PAX4: variants seen among roughly 807,000 people sequenced by gnomAD.
PAX4 encodes paired box 4.
A neutral mutation model predicts 40.6 loss-of-function variants in PAX4; 33 were observed. That is an observed-to-expected ratio of 0.81 (90% CI 0.62 to 1.09). The LOEUF (loss-of-function observed/expected upper bound fraction) is 1.09. Ranked by LOEUF, PAX4 falls within the 50% of genes least tolerant of loss-of-function variation. The pLI is 0.00. For synonymous variants in PAX4, 174 were observed against 170.6 expected (o/e 1.02, Z -0.16); for missense variants, 459 against 442.5 (o/e 1.04, Z -0.33).
chr7:127,612,954 T>TGGATGGAC (rs1192590809), intron 9 of PAX4, 68 bp downstream of exon 9: 1 of 1,150,170 alleles, frequency 8.7e-7, no homozygotes, highest in Non-Finnish European at 1.3e-6. Context: ...GATGGATGGA[T>TGGATGGAC]GGATGGATGG....
chr7:127,612,471 A>G (rs397832182), intron 9 of PAX4, among the ~76,000 whole-genome samples: 2 of 28,822 alleles, frequency 6.9e-5, no homozygotes, highest in Non-Finnish European at 1.9e-4. Flanking sequence ...GAATGGGTGG[A>G]TGGATGGATG....
intron 11 of PAX4, among the ~76,000 whole-genome samples, 156 bp from the exon 12 acceptor site, chr7:127,611,362 C>A (rs1328914477): frequency 1.3e-5 from 2 of 152,146 alleles, no homozygotes; most frequent in Non-Finnish European, 2.9e-5. Flanking sequence ...GTCAGTGATA[C>A]CATAGACTCA....
chr7:127,613,406 C>T (rs373842309), intron 8 of PAX4, 44 bp downstream of exon 8: 1 of 1,589,756 alleles, frequency 6.3e-7, no homozygotes, highest in South Asian at 1.1e-5. Context: ...CCGGCCCAGA[C>T]TCTTCCTCCT....
intron 2 of PAX4, among the ~76,000 whole-genome samples, 175 bp from the exon 3 acceptor site, chr7:127,616,202 T>C (rs1587552623): frequency 6.6e-6 from 1 of 152,186 alleles, no homozygotes; most frequent in Non-Finnish European, 1.5e-5. Context: ...ACACTGCAGG[T>C]TGGCTGAGGA....
intron 2 of PAX4, among the ~76,000 whole-genome samples, chr7:127,616,713 T>C (rs1349166300): frequency 6.6e-6 from 1 of 152,270 alleles, no homozygotes; most frequent in Non-Finnish European, 1.5e-5. Flanking sequence ...TGAAGAGTTC[T>C]AGATCTCACA....
Position 127,615,037 on chromosome 7 carries a change from TCCAAGACACCTGTGCGGTAGTAACG to T in PAX4, c.178_202del (p.Arg60SerfsTer24). ...CTTGCTTCCCCCAATGCCCTTTGGC[TCCAAGACACCTGTGCGGTAGTAACG>T]CCCTAGGATCTTGCTCACACAGCCA... On this transcript the variant is annotated frameshift_variant, in exon 5 of 12. Transcript: ENST00000639438. LOFTEE classifies it high-confidence loss of function. 6.2e-7 allele frequency: 1 copy of T among 1,614,186 alleles called. No individual in the cohort carries two copies. Among genetic ancestry groups the T allele is most frequent in the Non-Finnish European group, 8.5e-7 (1 of 1,180,032 alleles).
At position 127,615,461 on chromosome 7, in the gene PAX4, C is replaced by T; in HGVS notation, c.84G>A (p.Gln28=). 6.2e-7 allele frequency: 1 copy of T among 1,614,228 alleles called. No individual in the cohort carries two copies. The highest frequency in any genetic ancestry group is 8.5e-7 in the Non-Finnish European group (1 of 1,180,042). ...NGRPLPLDTR[Q]QIVRLAVSGM... ...CACTGACTGCTAGCCGCACAATCTG[C>T]TGCCGGGTATCCAGAGGCAGGGGCC... is the stretch of plus-strand genomic sequence containing the variant. Residue 28 remains glutamine (Q), a synonymous_variant, in exon 4 of 12, where the codon CAG becomes CAA. Transcript: ENST00000639438.
chr7:127,614,789 G>C lies in PAX4; in HGVS notation c.360+91C>G, dbSNP rs1005671051. The C allele has an allele frequency of 4.6e-6, 7 of 1,519,972 alleles. No homozygotes were observed. In the Admixed American group the frequency reaches 1.4e-4, roughly 30 times the overall value. 94.2% of individuals were successfully genotyped at this position (1,519,972 alleles called of 1,614,324 possible). ...TGCCCAGGAGCCCTGTCACCAGCTT[G>C]GGATGCCCACATTGCCAAATAAGAA... On this transcript the variant is annotated intron_variant, in intron 5 of 11. Coordinates refer to ENST00000639438, the MANE Select transcript of PAX4 (RefSeq NM_001366110.1).
At chr7:127,614,390 G>A (rs950940419) in intron 6 of PAX4, 92 bp downstream of exon 6, 3 of 979,836 alleles carry the variant, frequency 3.1e-6, no homozygotes, top group Admixed American at 2.0e-5. Context: ...TGTTGTGAGG[G>A]TGATCCAAGA....
chr7:127,614,131 G>T (rs948390979), intron 6 of PAX4, among the ~76,000 whole-genome samples: 2 of 152,056 alleles, frequency 1.3e-5, no homozygotes, highest in Non-Finnish European at 2.9e-5. Context: ...TGGTCCAGGG[G>T]TGTGTTATCC....
chr7:127,615,080 C>G lies in PAX4; in HGVS notation c.160G>C (p.Val54Leu). Residue 54 changes from valine (V) to leucine (L), a missense_variant, in exon 5 of 12, where the codon GTG (valine) becomes CTG (leucine). Physicochemically the swap from Val to Leu is conservative, Grantham distance 32. Transcript: ENST00000639438. The stretch of plus-strand genomic sequence containing the variant: ...TAGTAACGCCCTAGGATCTTGCTCA[C>G]ACAGCCATTAGATACCTGAGTCAGG... ...SRILKVSNGC[V>L]SKILGRYYRT... is the part of the protein sequence containing the mutation. The G allele has an allele frequency of 2.5e-6, 4 of 1,614,192 alleles. No homozygotes were observed. The highest frequency in any genetic ancestry group is 2.5e-6 in the Non-Finnish European group (3 of 1,180,044).
At chr7:127,612,965 ATGGATGG>A (rs2116133851) in intron 9 of PAX4, 50 bp downstream of exon 9, 1 of 1,277,840 alleles carries the variant, frequency 7.8e-7, no homozygotes, top group South Asian at 1.2e-5. Context: ...GGATGGATGG[ATGGATGG>A]ATGGATAGAT....
chr7:127,613,151 T>A, intron 8 of PAX4, 60 bp from the exon 9 acceptor site: 1 of 1,318,238 alleles, frequency 7.6e-7, no homozygotes, highest in Middle Eastern at 2.2e-4. Context: ...CACCTGCTGA[T>A]CTCACCACAT....
At position 127,611,073 on chromosome 7, in the gene PAX4, G is replaced by A; in HGVS notation, c.1047C>T (p.Gly349=). The change falls in exon 12 of 12, where the codon GGC becomes GGT. Residue 349 remains glycine, a synonymous_variant. Transcript: ENST00000639438. ...LLWPGCPLLY[G]LE is the part of the protein sequence containing the mutation. ...CCTTCCCACTCCTGCCTCATTCCAA[G>A]CCATACAGTAGTGGGCAGCCAGGCC... 1 of 1,606,150 alleles carries A rather than the reference G, an allele frequency of 6.2e-7. No individual in the cohort carries two copies. The highest frequency in any genetic ancestry group is 8.5e-7 in the Non-Finnish European group (1 of 1,175,572).
intron 5 of PAX4, 107 bp downstream of exon 5, chr7:127,614,773 G>A (rs1434986798): frequency 2.9e-5 from 42 of 1,457,742 alleles, no homozygotes; most frequent in Non-Finnish European, 2.8e-6. Context: ...TTGCCCAGGA[G>A]CCCTGTCACC....
In PAX4 at chr7:127,613,097, C is replaced by A. The variant is rs761845414; in HGVS notation, c.646-6G>T. ...CTTCTGTTGGAAAACCAGACCTGAG[C>A]GAGGACAGGGACAATGCAGCTGGCT... is the stretch of plus-strand genomic sequence containing the variant. On this transcript the variant is annotated splice_polypyrimidine_tract_variant and splice_region_variant and intron_variant, in intron 8 of 11. Coordinates refer to ENST00000639438, the MANE Select transcript of PAX4 (RefSeq NM_001366110.1). 4 of 1,612,440 alleles carry A rather than the reference C, an allele frequency of 2.5e-6. No individual in the cohort carries two copies. Among genetic ancestry groups the A allele is most frequent in the South Asian group, 2.2e-5 (2 of 91,020 alleles).
intron 11 of PAX4, 125 bp from the exon 12 acceptor site, chr7:127,611,331 C>A: frequency 7.6e-7 from 1 of 1,308,096 alleles, no homozygotes; most frequent in Non-Finnish European, 1.1e-6. Flanking sequence ...CCCAGTCTCA[C>A]ATCCTTTACC....
rs143084654 is a variant in PAX4, at chr7:127,611,096, G to A, written c.1024C>T (p.Pro342Ser). Residue 342 changes from proline to serine, a missense_variant, in exon 12 of 12, where the codon CCT becomes TCT. Physicochemically the swap from Pro to Ser is moderately conservative, Grantham distance 74. Coordinates refer to ENST00000639438, the MANE Select transcript of PAX4 (RefSeq NM_001366110.1). Reference protein sequence around the residue: ...SLSGSQALLWPGCPLLYGLE With the variant: ...SLSGSQALLWSGCPLLYGLE The stretch of plus-strand genomic sequence containing the variant: ...AAGCCATACAGTAGTGGGCAGCCAG[G>A]CCAGAGCAGGGCCTGAGAGCCACTA... The A allele has an allele frequency of 3.0e-5, 49 of 1,607,502 alleles. No individual in the cohort carries two copies. In the East Asian group the frequency reaches 4.5e-4, roughly 15 times the overall value.
At chr7:127,616,528 A>G (rs1474623159) in intron 2 of PAX4, among the ~76,000 whole-genome samples, 1 of 152,018 alleles carries the variant, frequency 6.6e-6, no homozygotes, top group East Asian at 1.9e-4. Context: ...CTGTTTTTTT[A>G]TACTCTCCAG....
Sources: gnomAD v4.1 joint callset for allele counts (sites outside exome capture counted in the v4.1 genomes callset) on GRCh38, gnomAD v4.1.1 for gene constraint, MANE v1.5 for transcripts, NCBI Gene and HGNC (gene_info 2026-07-23, HGNC 2026-07-21) for gene names.